The following SORBS2 variants were observed in gnomAD, a reference collection of about 807,000 sequenced individuals.
SORBS2 encodes sorbin and SH3 domain-containing protein 2.
SORBS2 carries 46 observed loss-of-function variants against 97.7 expected under a neutral mutation model. The observed-to-expected ratio is 0.47, with a 90% confidence interval of 0.37 to 0.60. SORBS2 has a LOEUF of 0.60. SORBS2 is among the 20% of genes least tolerant of loss of function. SORBS2 has a pLI of 0.00. For missense variants in SORBS2, 1,316 were observed against 1,282.3 expected, an observed-to-expected ratio of 1.03 and a Z score of -0.40; for synonymous variants, 476 against 473.4, an observed-to-expected ratio of 1.01 and a Z score of -0.07.
chr4:185,719,246 A>G (rs1195913548), intron 2 of SORBS2, among the ~76,000 whole-genome samples: 1 of 152,196 alleles, frequency 6.6e-6, no homozygotes, highest in Non-Finnish European at 1.5e-5. Context: ...GCAGCAAGTA[A>G]AAGTCACAGC....
intron 1 of SORBS2, among the ~76,000 whole-genome samples, chr4:185,922,465 T>C (rs2149927237): frequency 6.6e-6 from 1 of 152,326 alleles, no homozygotes; most frequent in African/African-American, 2.4e-5. Context: ...CTCACATTCA[T>C]AGGAACGAAT....
rs990079042 is a variant in SORBS2 at position 185,951,715 on chromosome 4, G to A, written c.-338+4481C>T. 3.9e-5 allele frequency among the ~76,000 whole-genome samples: 6 copies of A among 152,202 alleles called. No individual in the cohort carries two copies. The South Asian group carries it at 1.0e-3, about 26-fold the overall frequency. ...GAACAAAGGTAAATTTTCCTAATTT[G>A]CAGATTGTATTGTGAAGTCAAATTG... is the stretch of plus-strand genomic sequence containing the variant. On this transcript the variant is annotated intron_variant, in intron 1 of 20. Coordinates refer to the SORBS2 transcript ENST00000284776.
intron 1 of SORBS2, among the ~76,000 whole-genome samples, chr4:185,833,948 A>T (rs1295126481): frequency 1.3e-5 from 2 of 152,182 alleles, no homozygotes; most frequent in Non-Finnish European, 2.9e-5. Flanking sequence ...CTGGAACATA[A>T]CATATGCTCC....
chr4:185,646,819 C>T (rs2097215164), intron 3 of SORBS2, 37 bp from the exon 13 acceptor site: 1 of 1,211,696 alleles, frequency 8.3e-7, no homozygotes, highest in African/African-American at 1.5e-5. Flanking sequence ...TAAAATAATC[C>T]TTTTTGCTTA....
At chr4:185,716,729 C>T (rs1227673704) in intron 2 of SORBS2, among the ~76,000 whole-genome samples, 2 of 152,122 alleles carry the variant, frequency 1.3e-5, no homozygotes, top group African/African-American at 4.8e-5. Flanking sequence ...GCTTTAGGCT[C>T]CAGGAGCAGC....
At chr4:185,897,376 T>TCC (rs2099245540) in intron 1 of SORBS2, among the ~76,000 whole-genome samples, 1 of 152,134 alleles carries the variant, frequency 6.6e-6, no homozygotes, top group African/African-American at 2.4e-5. Context: ...TTGCTGGGTG[T>TCC]CCCCACTCAG....
At chr4:185,718,166 C>T (rs1024860950) in intron 2 of SORBS2, among the ~76,000 whole-genome samples, 9 of 151,698 alleles carry the variant, frequency 5.9e-5, no homozygotes, top group African/African-American at 2.2e-4. Context: ...GGGAGACAGG[C>T]GCTGTAGGAA....
chr4:185,661,307 T>TCACATTA, upstream of SORBS2, among the ~76,000 whole-genome samples: 1 of 151,950 alleles, frequency 6.6e-6, no homozygotes, highest in African/African-American at 2.4e-5. Flanking sequence ...TATCACATTA[T>TCACATTA]TTTCTGAACT....
intron 1 of SORBS2, among the ~76,000 whole-genome samples, chr4:185,827,762 TCATCATCACCATCAC>T (rs2099202308): frequency 8.4e-6 from 1 of 119,744 alleles, no homozygotes; most frequent in Admixed American, 8.2e-5. Flanking sequence ...ATCATCACCA[TCATCATCACCATCAC>T]CATCATCATC....
At chr4:185,879,179 C>CA (rs2099235535) in intron 1 of SORBS2, among the ~76,000 whole-genome samples, 7 of 131,428 alleles carry the variant, frequency 5.3e-5, no homozygotes, top group Non-Finnish European at 1.1e-4. Flanking sequence ...CCCCCCCCAC[C>CA]CCACGACAGG....
At chr4:185,946,637 C>T (rs982839933) in intron 1 of SORBS2, among the ~76,000 whole-genome samples, 1 of 152,198 alleles carries the variant, frequency 6.6e-6, no homozygotes, top group Admixed American at 6.5e-5. Flanking sequence ...CTTCCATCTC[C>T]TCATCCACCC....
chr4:185,776,607 T>C (rs2099000854), intron 1 of SORBS2, among the ~76,000 whole-genome samples: 1 of 151,930 alleles, frequency 6.6e-6, no homozygotes, highest in African/African-American at 2.4e-5. Flanking sequence ...GTCTTCAACC[T>C]GAATTCAGTA....
At chr4:185,764,843 T>C (rs539427892) in intron 2 of SORBS2, among the ~76,000 whole-genome samples, 1 of 152,300 alleles carries the variant, frequency 6.6e-6, no homozygotes, top group Non-Finnish European at 1.5e-5. Flanking sequence ...TAAAGCCTGC[T>C]GCACATGTCT....
chr4:185,659,642 C>G (rs1344445160), upstream of SORBS2, among the ~76,000 whole-genome samples: 5 of 151,674 alleles, frequency 3.3e-5, no homozygotes, highest in African/African-American at 1.2e-4. Context: ...AGACTGGCCT[C>G]GATCTCCTGA....
Position 185,678,384 on chromosome 4 carries a change from C to A in SORBS2, c.-46+39G>T, listed in dbSNP as rs780112724. On this transcript the variant is annotated intron_variant, in intron 4 of 20. Coordinates refer to the SORBS2 transcript ENST00000284776. The stretch of plus-strand genomic sequence containing the variant: ...TGTAAGCAGTGGTCTAATAATCATG[C>A]CTTAAAATAATGCAGTAGCCAAGAG... The A allele has an allele frequency of 4.6e-6, 7 of 1,509,518 alleles. No individual in the cohort carries two copies. The South Asian group carries it at 9.1e-5, about 20-fold the overall frequency. 93.5% of individuals were successfully genotyped at this position (1,509,518 alleles called of 1,614,324 possible).
chr4:185,640,031 A>G (rs1021455440), intron 4 of SORBS2, among the ~76,000 whole-genome samples: 17 of 152,322 alleles, frequency 1.1e-4, no homozygotes, highest in African/African-American at 4.1e-4. Flanking sequence ...CACAGTCTAC[A>G]CTTACTAATA....
At chr4:185,819,287 T>G (rs967420171) in intron 1 of SORBS2, among the ~76,000 whole-genome samples, 1 of 152,230 alleles carries the variant, frequency 6.6e-6, no homozygotes, top group Non-Finnish European at 1.5e-5. Context: ...CTGGTTTCTA[T>G]CCTCAAGAAT....
At chr4:185,856,539 G>A (rs1056778875) in intron 1 of SORBS2, among the ~76,000 whole-genome samples, 1 of 152,062 alleles carries the variant, frequency 6.6e-6, no homozygotes, top group South Asian at 2.1e-4. Context: ...TAGCATTAAA[G>A]CATCTCCAGT....
exon 14 of SORBS2, chr4:185,589,756 C>T (rs2095876994): frequency 6.2e-7 from 1 of 1,611,052 alleles, no homozygotes; most frequent in Non-Finnish European, 8.5e-7. Context: ...ATCTTCATTC[C>T]TGGGAGTATA....
Sources: allele counts gnomAD v4.1 joint callset (sites outside exome capture counted in the v4.1 genomes callset), GRCh38; gene constraint gnomAD v4.1.1; transcripts MANE v1.5; gene names NCBI Gene and HGNC (gene_info 2026-07-23, HGNC 2026-07-21).